The following GRK3 variants were observed in gnomAD, a reference collection of about 807,000 sequenced individuals.
The protein encoded by GRK3 is G protein-coupled receptor kinase 3.
In GRK3, 54 loss-of-function variants were observed where a neutral mutation model predicts 95.7. The ratio of observed to expected loss-of-function variants is 0.56; its 90% CI spans 0.45 to 0.71. The LOEUF is 0.71. Among genes scored for constraint, GRK3 ranks in the 30% least tolerant of loss-of-function variants. GRK3 has a pLI of 0.00. For synonymous variants in GRK3, 281 were observed against 290.8 expected (o/e 0.97, Z 0.34); for missense variants, 649 against 851.2 (o/e 0.76, Z 2.96).
At chr22:25,616,535 A>G (rs959489104) in intron 2 of GRK3, among the ~76,000 whole-genome samples, 5 of 152,176 alleles carry the variant, frequency 3.3e-5, no homozygotes, top group East Asian at 1.9e-4. Context: ...CCCTCCTTCA[A>G]CATTGGGGAT....
chr22:25,612,824 A>G (rs2084508828), intron 2 of GRK3, among the ~76,000 whole-genome samples: 1 of 151,372 alleles, frequency 6.6e-6, no homozygotes, highest in East Asian at 1.9e-4. Flanking sequence ...ACATTGATAA[A>G]AACAGAAACT....
chr22:25,710,069 C>A, intron 16 of GRK3, 105 bp downstream of exon 16: 1 of 842,060 alleles, frequency 1.2e-6, no homozygotes, highest in South Asian at 1.4e-5. Flanking sequence ...TGCTGGCTTC[C>A]TGGCTGTGTC....
intron 1 of GRK3, among the ~76,000 whole-genome samples, chr22:25,574,733 C>T (rs546613855): frequency 6.6e-6 from 1 of 152,260 alleles, no homozygotes; most frequent in Admixed American, 6.5e-5. Context: ...CATCTTTAAC[C>T]TGGTCCTACC....
intron 15 of GRK3, among the ~76,000 whole-genome samples, chr22:25,707,407 A>G (rs1487678473): frequency 6.6e-6 from 1 of 152,174 alleles, no homozygotes; most frequent in African/African-American, 2.4e-5. Flanking sequence ...TCTTTCATTC[A>G]ATGTCTGTTT....
chr22:25,574,466 TGACAGAGTGAG>T (rs1348259191), intron 1 of GRK3, among the ~76,000 whole-genome samples: 1 of 152,210 alleles, frequency 6.6e-6, no homozygotes, highest in African/African-American at 2.4e-5. Flanking sequence ...CACTGCAGCC[TGACAGAGTGAG>T]GTCTCGTCTC....
chr22:25,663,757 C>T, intron 5 of GRK3, 53 bp downstream of exon 5: 1 of 1,305,808 alleles, frequency 7.7e-7, no homozygotes, highest in Non-Finnish European at 1.1e-6. Context: ...AACACTTGGC[C>T]TTGGTGACAT....
intron 1 of GRK3, among the ~76,000 whole-genome samples, chr22:25,577,242 G>A (rs1196289600): frequency 2.7e-5 from 4 of 150,020 alleles, no homozygotes; most frequent in South Asian, 2.1e-4. Flanking sequence ...GTGTGATCTC[G>A]GCTCACTGTA....
intron 8 of GRK3, 71 bp downstream of exon 8, chr22:25,674,599 C>G: frequency 8.6e-7 from 1 of 1,156,222 alleles, no homozygotes; most frequent in Non-Finnish European, 1.3e-6. Flanking sequence ...AAGAAAATTC[C>G]TATAAAGAAA....
In GRK3 at chr22:25,612,105, T is replaced by A. The variant is rs2084502655; in HGVS notation, c.190+7652T>A. Among the ~76,000 whole-genome samples, 3 of 152,184 alleles carry A rather than the reference T, an allele frequency of 2.0e-5. No individual in the cohort carries two copies. In the South Asian group the frequency reaches 6.2e-4, roughly 32 times the overall value. On this transcript the variant is annotated intron_variant, in intron 2 of 20. Coordinates refer to ENST00000324198, the MANE Select transcript of GRK3 (RefSeq NM_005160.4). ...GCCTCGGCCTCCCAAAGTGCTAGGATTACAGGTGTGAGCCACCAAGCCCGG... is the reference window on the plus strand; with the variant it reads ...GCCTCGGCCTCCCAAAGTGCTAGGAATACAGGTGTGAGCCACCAAGCCCGG...
chr22:25,713,675 C>T (rs1273342236), intron 17 of GRK3, among the ~76,000 whole-genome samples: 2 of 152,230 alleles, frequency 1.3e-5, no homozygotes, highest in African/African-American at 4.8e-5. Flanking sequence ...ATGTAGTTCA[C>T]ATGCAGAAAA....
chr22:25,647,482 GCAT>G, intron 3 of GRK3: 2 of 1,358,008 alleles, frequency 1.5e-6, no homozygotes, highest in Non-Finnish European at 2.1e-6. Flanking sequence ...TTGGAGGTGG[GCAT>G]CTTCCTCATT....
At chr22:25,589,631 A>G (rs1932430212) in intron 1 of GRK3, among the ~76,000 whole-genome samples, 1 of 152,252 alleles carries the variant, frequency 6.6e-6, no homozygotes, top group Admixed American at 6.5e-5. Flanking sequence ...AAAACTTTGT[A>G]TAATGAAAAT....
At chr22:25,667,902 C>G in intron 6 of GRK3, 102 bp downstream of exon 6, 1 of 676,858 alleles carries the variant, frequency 1.5e-6, no homozygotes, top group Non-Finnish European at 2.6e-6. Flanking sequence ...AATCATTTAG[C>G]AAGTATTCAC....
intron 2 of GRK3, among the ~76,000 whole-genome samples, chr22:25,605,787 A>G (rs1406994475): frequency 6.6e-6 from 1 of 151,920 alleles, no homozygotes; most frequent in Non-Finnish European, 1.5e-5. Context: ...GCCTCCATGG[A>G]TTTGCTTGTG....
At position 25,709,965 on chromosome 22, in the gene GRK3, G is replaced by C; in HGVS notation, c.1395+1G>C. On this transcript the variant is annotated splice_donor_variant, in intron 16 of 20. Transcript: ENST00000324198. LOFTEE classifies it high-confidence loss of function. ...CTGGCAGCATGTCTACTTACAAAAG[G>C]TACTCACTCCCTCTTGACTCTACTT... 2 of 1,610,184 alleles carry C rather than the reference G, an allele frequency of 1.2e-6. No individual in the cohort carries two copies. The highest frequency in any genetic ancestry group is 1.7e-6 in the Non-Finnish European group (2 of 1,176,508).
At chr22:25,656,864 G>C (rs978433730) in intron 3 of GRK3, among the ~76,000 whole-genome samples, 3 of 152,186 alleles carry the variant, frequency 2.0e-5, no homozygotes, top group African/African-American at 7.2e-5. Flanking sequence ...GTCAAAGACT[G>C]TCTGAGGAGA....
intron 3 of GRK3, among the ~76,000 whole-genome samples, chr22:25,655,936 G>A (rs559246084): frequency 4.1e-4 from 62 of 152,286 alleles, no homozygotes; most frequent in African/African-American, 1.4e-3. Flanking sequence ...ATGCTGTTCC[G>A]TTACGTGCAG....
intron 2 of GRK3, among the ~76,000 whole-genome samples, chr22:25,640,050 G>A (rs533932671): frequency 5.7e-4 from 87 of 152,182 alleles, no homozygotes; most frequent in African/African-American, 2.0e-3. Flanking sequence ...ACATATTCTA[G>A]TAGTTACTTA....
intron 12 of GRK3, among the ~76,000 whole-genome samples, chr22:25,692,867 C>T (rs890083198): frequency 1.3e-5 from 2 of 152,174 alleles, no homozygotes; most frequent in East Asian, 1.9e-4. Context: ...CTATTTAGTA[C>T]AAGACGGAAG....
Sources: gnomAD v4.1 joint callset for allele counts (sites outside exome capture counted in the v4.1 genomes callset) on GRCh38, gnomAD v4.1.1 for gene constraint, MANE v1.5 for transcripts, NCBI Gene and HGNC (gene_info 2026-07-23, HGNC 2026-07-21) for gene names.